The following RANBP2 variants were observed in gnomAD, a reference collection of about 807,000 sequenced individuals.
RANBP2 encodes the protein RAN binding protein 2, also known as E3 SUMO-protein ligase RanBP2.
RANBP2 carries 57 observed loss-of-function variants against 303.6 expected under a neutral mutation model. That is an observed-to-expected ratio of 0.19 (90% CI 0.15 to 0.23). The LOEUF (loss-of-function observed/expected upper bound fraction) is 0.23, where lower values mean the gene tolerates loss of function less well. Ranked by LOEUF, RANBP2 falls within the 10% of genes least tolerant of loss-of-function variation. RANBP2 has a pLI of 1.00. For missense variants in RANBP2, 3,138 were observed against 3,780.8 expected (o/e 0.83, Z 4.46); for synonymous variants, 1,167 against 1,301.5 (o/e 0.90, Z 2.23).
At chr2:108,969,847 C>T in the RANBP2 span, among the ~76,000 whole-genome samples, 9 of 152,176 alleles carry the variant, frequency 5.9e-5, no homozygotes, top group African/African-American at 2.2e-4. Flanking sequence ...GAAGAGCTAA[C>T]TTGTGCAGGG....
At chr2:109,525,742 T>C in the RANBP2 span, among the ~76,000 whole-genome samples, 4 of 152,126 alleles carry the variant, frequency 2.6e-5, no homozygotes, top group African/African-American at 9.7e-5. Flanking sequence ...CTGTCCTTAC[T>C]AGCAAAAGCA....
the RANBP2 span, among the ~76,000 whole-genome samples, chr2:109,038,100 T>C: frequency 6.6e-6 from 1 of 152,112 alleles, no homozygotes; most frequent in African/African-American, 2.4e-5. Flanking sequence ...TGTAGACAAA[T>C]GTGGCAGAAC....
At chr2:109,640,780 G>A in the RANBP2 span, among the ~76,000 whole-genome samples, 31 of 152,086 alleles carry the variant, frequency 2.0e-4, no homozygotes, top group Admixed American at 2.6e-4. Context: ...CAGTCATACC[G>A]AGTCCCTAAG....
the RANBP2 span, among the ~76,000 whole-genome samples, chr2:109,061,248 A>T: frequency 3.9e-5 from 6 of 152,272 alleles, no homozygotes; most frequent in East Asian, 1.2e-3. Flanking sequence ...ACAAACACCT[A>T]TGCACACAGA....
the RANBP2 span, among the ~76,000 whole-genome samples, chr2:109,265,110 G>A: frequency 6.6e-5 from 10 of 152,254 alleles, 1 homozygote; most frequent in African/African-American, 1.7e-4. Context: ...CACTTGAGGC[G>A]TTGCGAAATA....
At chr2:109,751,696 C>T in the RANBP2 span, among the ~76,000 whole-genome samples, 2 of 10,832 alleles carry the variant, frequency 1.8e-4, 1 homozygote, top group African/African-American at 3.1e-4. Flanking sequence ...ACTGAGCTCC[C>T]GCTGTTCAGC....
At chr2:109,108,288 C>T in the RANBP2 span, among the ~76,000 whole-genome samples, 58 of 152,210 alleles carry the variant, frequency 3.8e-4, no homozygotes, top group Non-Finnish European at 6.9e-4. Context: ...ATCCGCCTGC[C>T]TCAGCCTCCC....
chr2:109,206,127 C>A, the RANBP2 span, among the ~76,000 whole-genome samples: 1 of 152,174 alleles, frequency 6.6e-6, no homozygotes, highest in African/African-American at 2.4e-5. Flanking sequence ...CCCTCTCTCC[C>A]TGGAGGTTTT....
At chr2:109,400,194 A>T in the RANBP2 span, among the ~76,000 whole-genome samples, 1 of 152,204 alleles carries the variant, frequency 6.6e-6, no homozygotes, top group Admixed American at 6.5e-5. Context: ...TCAGCCTAGA[A>T]ATGCCCCCTA....
At chr2:109,008,906 A>G in the RANBP2 span, among the ~76,000 whole-genome samples, 53 of 151,006 alleles carry the variant, frequency 3.5e-4, no homozygotes, top group African/African-American at 1.2e-3. Context: ...CTCAAAAAAA[A>G]AAAAGAAAAG....
the RANBP2 span, among the ~76,000 whole-genome samples, chr2:109,709,384 C>T: frequency 1.4e-5 from 2 of 140,924 alleles, no homozygotes; most frequent in African/African-American, 2.5e-5. Flanking sequence ...AATAACAAAA[C>T]AAAACAAAAC....
the RANBP2 span, among the ~76,000 whole-genome samples, chr2:109,147,710 G>A: frequency 3.3e-5 from 5 of 152,116 alleles, no homozygotes; most frequent in African/African-American, 1.2e-4. Flanking sequence ...GGGTCTTAGG[G>A]CACTTTGGTT....
At chr2:108,882,424 T>G in the RANBP2 span, 2 of 152,188 alleles carry the variant, frequency 1.3e-5, no homozygotes, top group African/African-American at 4.8e-5. Flanking sequence ...ACCCTTCTGA[T>G]GAACAGACAG....
At position 108,780,960 on chromosome 2, in the gene RANBP2, C is replaced by T. The variant is rs948894294; in HGVS notation, c.8600-309C>T. 8.5e-5 allele frequency among the ~76,000 whole-genome samples: 13 copies of T among 152,068 alleles called. No individual in the cohort carries two copies. In the South Asian group the frequency reaches 2.7e-3, roughly 31 times the overall value. On this transcript the variant is annotated intron_variant, in intron 25 of 28. Coordinates refer to ENST00000283195, the MANE Select transcript of RANBP2 (RefSeq NM_006267.5). ...CTGACCTCAGGAGATGCGCTCACCT[C>T]GGCCTCACAAAGTGCTGGGATTACA...
chr2:109,703,544 T>C, the RANBP2 span, among the ~76,000 whole-genome samples: 1 of 152,226 alleles, frequency 6.6e-6, no homozygotes, highest in East Asian at 1.9e-4. Context: ...TTCTCCTGCC[T>C]CATCCTTCTG....
At chr2:109,471,194 C>T in the RANBP2 span, among the ~76,000 whole-genome samples, 1 of 117,484 alleles carries the variant, frequency 8.5e-6, no homozygotes, top group Non-Finnish European at 1.6e-5. Context: ...GCCTGGGCGA[C>T]AGACTCTGTC....
At chr2:109,492,296 T>C in the RANBP2 span, among the ~76,000 whole-genome samples, 1 of 152,204 alleles carries the variant, frequency 6.6e-6, no homozygotes. Context: ...AGGCGCAGTT[T>C]GCCAGCCCTG....
the RANBP2 span, among the ~76,000 whole-genome samples, chr2:108,981,063 A>G: frequency 1.3e-5 from 2 of 152,168 alleles, no homozygotes; most frequent in East Asian, 3.8e-4. Flanking sequence ...AGGACTTCCA[A>G]TGTGCTCACG....
At chr2:108,787,023 C>T, downstream of RANBP2, 1 of 593,064 alleles carries the variant, frequency 1.7e-6, no homozygotes, top group Non-Finnish European at 2.5e-6. Context: ...TGGTCCCGGC[C>T]CCGGCACTCC....
Sources: gnomAD v4.1 joint callset for allele counts (sites outside exome capture counted in the v4.1 genomes callset) on GRCh38, gnomAD v4.1.1 for gene constraint, MANE v1.5 for transcripts, NCBI Gene and HGNC (gene_info 2026-07-23, HGNC 2026-07-21) for gene names.